The following RGPD2 variants were observed in gnomAD, a reference collection of about 807,000 sequenced individuals.
The protein encoded by RGPD2 is RANBP2-like and GRIP domain-containing protein 2.
Under a neutral mutation model 36.0 loss-of-function variants are expected in RGPD2, and 2 were observed. The observed-to-expected ratio is 0.06, with a 90% CI of 0.02 to 0.17. RGPD2 has a LOEUF of 0.17. Among genes scored for constraint, RGPD2 ranks in the 10% least tolerant of loss-of-function variants. The probability of loss-of-function intolerance (pLI) is 1.00; values close to 1 mark genes in which losing one functional copy is unlikely to be tolerated. For missense variants in RGPD2, 40 were observed against 464.3 expected (o/e 0.09, Z 8.40); for synonymous variants, 19 against 163.8 (o/e 0.12, Z 6.75).
At chr2:87,984,721 G>A in the RGPD2 span, among the ~76,000 whole-genome samples, 1 of 148,274 alleles carries the variant, frequency 6.7e-6, no homozygotes, top group South Asian at 2.2e-4. Flanking sequence ...ACGAGGTCAG[G>A]AGATCGAGAC....
chr2:87,935,035 A>G, the RGPD2 span, among the ~76,000 whole-genome samples: 2 of 148,996 alleles, frequency 1.3e-5, no homozygotes, highest in African/African-American at 2.5e-5. Context: ...TGATTTGTGA[A>G]GTTCCGCACT....
At chr2:87,932,624 G>A in the RGPD2 span, among the ~76,000 whole-genome samples, 4 of 149,176 alleles carry the variant, frequency 2.7e-5, no homozygotes, top group Non-Finnish European at 6.0e-5. Flanking sequence ...ATTTCTTCAG[G>A]AGCTCTTGTA....
the RGPD2 span, among the ~76,000 whole-genome samples, chr2:87,964,736 G>A: frequency 7.0e-6 from 1 of 142,966 alleles, no homozygotes; most frequent in Non-Finnish European, 1.5e-5. Context: ...TGTAACAAAA[G>A]GCCATCAAAA....
chr2:87,847,420 A>G, the RGPD2 span, among the ~76,000 whole-genome samples: 1 of 151,846 alleles, frequency 6.6e-6, no homozygotes, highest in Non-Finnish European at 1.5e-5. Flanking sequence ...ATTTCTTGAA[A>G]GTATGGAGAT....
chr2:87,922,292 C>CA, the RGPD2 span, among the ~76,000 whole-genome samples: 3,820 of 82,580 alleles, frequency 0.046, 16 homozygotes, highest in African/African-American at 0.055. Flanking sequence ...GACTTCGTCT[C>CA]AAAAAAAAAA....
the RGPD2 span, among the ~76,000 whole-genome samples, chr2:87,924,141 G>GTT: frequency 7.1e-6 from 1 of 140,084 alleles, no homozygotes; most frequent in African/African-American, 2.6e-5. Flanking sequence ...GCACTGCAAA[G>GTT]TTTTTTTTTT....
chr2:87,893,411 C>A, the RGPD2 span, among the ~76,000 whole-genome samples: 1 of 146,918 alleles, frequency 6.8e-6, no homozygotes, highest in Admixed American at 6.8e-5. Flanking sequence ...TTGATCTCAG[C>A]TGGATCTGGA....
At chr2:87,873,504 G>GT in the RGPD2 span, among the ~76,000 whole-genome samples, 52 of 138,466 alleles carry the variant, frequency 3.8e-4, no homozygotes, top group African/African-American at 1.3e-3. Flanking sequence ...GGCAGCATCT[G>GT]TTTTTTTTGT....
chr2:87,866,353 T>C, the RGPD2 span, among the ~76,000 whole-genome samples: 1 of 152,248 alleles, frequency 6.6e-6, no homozygotes, highest in South Asian at 2.1e-4. Context: ...AATCATTGTG[T>C]CAAATCATTT....
the RGPD2 span, among the ~76,000 whole-genome samples, chr2:87,988,524 A>G: frequency 2.3e-5 from 1 of 42,864 alleles, no homozygotes; most frequent in African/African-American, 4.6e-5. Context: ...TATACATATA[A>G]ATATATATAT....
the RGPD2 span, among the ~76,000 whole-genome samples, chr2:87,836,128 C>A: frequency 6.6e-6 from 1 of 152,038 alleles, no homozygotes; most frequent in African/African-American, 2.4e-5. Flanking sequence ...ACTCAGATAA[C>A]CCCTGTGAGA....
At chr2:87,966,653 C>A in the RGPD2 span, among the ~76,000 whole-genome samples, 1 of 152,226 alleles carries the variant, frequency 6.6e-6, no homozygotes, top group Non-Finnish European at 1.5e-5. Context: ...ACTGGCCAAG[C>A]ACAGTGGCTC....
chr2:87,915,907 A>G, the RGPD2 span, among the ~76,000 whole-genome samples: 5 of 151,656 alleles, frequency 3.3e-5, no homozygotes, highest in African/African-American at 1.2e-4. Context: ...ACATATAAAG[A>G]AGAATGAAAA....
the RGPD2 span, among the ~76,000 whole-genome samples, chr2:87,960,845 AT>A: frequency 2.2e-5 from 1 of 44,510 alleles, no homozygotes; most frequent in Non-Finnish European, 4.6e-5. Flanking sequence ...CAAAGTCCAT[AT>A]GCCAGTAATT....
At chr2:87,959,217 A>G in the RGPD2 span, among the ~76,000 whole-genome samples, 4,519 of 85,124 alleles carry the variant, frequency 0.053, 163 homozygotes, top group African/African-American at 0.087. Context: ...TCCCAGTATA[A>G]AACATAGTAT....
the RGPD2 span, among the ~76,000 whole-genome samples, chr2:87,874,355 A>G: frequency 8.4e-6 from 1 of 119,252 alleles, no homozygotes; most frequent in African/African-American, 3.4e-5. Flanking sequence ...TTTGGGTTTT[A>G]CATTTAAGCC....
chr2:87,914,782 A>AT, the RGPD2 span, among the ~76,000 whole-genome samples: 1 of 149,032 alleles, frequency 6.7e-6, no homozygotes, highest in Admixed American at 6.7e-5. Context: ...TGTATTAACA[A>AT]TTTTTTGATT....
the RGPD2 span, among the ~76,000 whole-genome samples, chr2:87,960,257 A>C: frequency 0.2 from 27,538 of 135,154 alleles, 55 homozygotes; most frequent in African/African-American, 0.29. Context: ...TCTCTATAAG[A>C]TATACAGATG....
the RGPD2 span, among the ~76,000 whole-genome samples, chr2:87,986,160 G>GGA: frequency 3.2e-5 from 4 of 126,072 alleles, no homozygotes; most frequent in Non-Finnish European, 3.4e-5. Context: ...TTTTGAGAGA[G>GGA]TGTCTCGCTC....
Sources: allele counts gnomAD v4.1 joint callset (sites outside exome capture counted in the v4.1 genomes callset), GRCh38; gene constraint gnomAD v4.1.1; transcripts MANE v1.5; gene names NCBI Gene and HGNC (gene_info 2026-07-23, HGNC 2026-07-21).